The following CLVS1 variants were observed in gnomAD, a reference collection of about 807,000 sequenced individuals.
The protein encoded by CLVS1 is clavesin-1.
In CLVS1, 10 loss-of-function variants were observed where a neutral mutation model predicts 33.1. The ratio of observed to expected loss-of-function variants is 0.30; its 90% CI spans 0.19 to 0.51. The LOEUF (loss-of-function observed/expected upper bound fraction) is 0.51. Among genes scored for constraint, CLVS1 ranks in the 20% least tolerant of loss-of-function variants. The pLI, the probability that CLVS1 is intolerant of heterozygous loss-of-function variation, is 0.97. For missense variants in CLVS1, 343 were observed against 433.4 expected (o/e 0.79, Z 1.85); for synonymous variants, 163 against 166.1 (o/e 0.98, Z 0.14).
intron 2 of CLVS1, among the ~76,000 whole-genome samples, chr8:61,371,866 C>A (rs992029526): frequency 6.6e-5 from 10 of 152,138 alleles, no homozygotes; most frequent in African/African-American, 2.2e-4. Context: ...GATGAAACCC[C>A]TGTAGATAAA....
At chr8:61,089,640 T>C (rs1446475564) in intron 1 of CLVS1, among the ~76,000 whole-genome samples, 1 of 152,184 alleles carries the variant, frequency 6.6e-6, no homozygotes, top group Non-Finnish European at 1.5e-5. Context: ...TCTACCAGGC[T>C]GGGCATGGCG....
At chr8:61,077,560 C>T (rs1804943827) in intron 1 of CLVS1, among the ~76,000 whole-genome samples, 1 of 151,690 alleles carries the variant, frequency 6.6e-6, no homozygotes, top group African/African-American at 2.4e-5. Flanking sequence ...ACCACAACCT[C>T]TGCTTCCTGG....
At chr8:61,336,898 A>T (rs1811827163) in intron 2 of CLVS1, among the ~76,000 whole-genome samples, 1 of 152,212 alleles carries the variant, frequency 6.6e-6, no homozygotes, top group African/African-American at 2.4e-5. Flanking sequence ...ACAAAAAAAT[A>T]AAACCTCTTC....
chr8:61,363,971 G>A (rs1294758498), intron 2 of CLVS1, among the ~76,000 whole-genome samples: 1 of 152,122 alleles, frequency 6.6e-6, no homozygotes, highest in Non-Finnish European at 1.5e-5. Flanking sequence ...TGACACATCT[G>A]GTCCTGCCAA....
At chr8:60,991,652 C>T in the CLVS1 span, among the ~76,000 whole-genome samples, 2 of 152,044 alleles carry the variant, frequency 1.3e-5, no homozygotes, top group Non-Finnish European at 2.9e-5. Context: ...AGACTCTGAG[C>T]TCTGCCATGC....
intron 1 of CLVS1, among the ~76,000 whole-genome samples, chr8:61,115,804 T>C (rs1176921730): frequency 6.8e-6 from 1 of 147,060 alleles, no homozygotes; most frequent in Non-Finnish European, 1.5e-5. Flanking sequence ...TTCCAAGTCT[T>C]TGCTATGGTG....
At chr8:61,073,156 A>T (rs1027614492) in intron 1 of CLVS1, among the ~76,000 whole-genome samples, 1 of 152,244 alleles carries the variant, frequency 6.6e-6, no homozygotes, top group African/African-American at 2.4e-5. Flanking sequence ...ATGCTTGTCA[A>T]GTTTAGGAAG....
chr8:61,139,989 C>T (rs1806276919), intron 2 of CLVS1, among the ~76,000 whole-genome samples: 1 of 152,090 alleles, frequency 6.6e-6, no homozygotes, highest in African/African-American at 2.4e-5. Context: ...CTGAACTGGC[C>T]CTCAGCGGAG....
chr8:61,143,530 TC>T (rs1437267395), intron 2 of CLVS1, among the ~76,000 whole-genome samples: 1 of 151,848 alleles, frequency 6.6e-6, no homozygotes, highest in Non-Finnish European at 1.5e-5. Context: ...AAACACCTAT[TC>T]CCACCCCCTT....
chr8:61,127,368 C>T lies in CLVS1; in HGVS notation c.-242-4402C>T, dbSNP rs185332671. Among the ~76,000 whole-genome samples, 25 of 152,084 alleles carry T rather than the reference C, an allele frequency of 1.6e-4. No individual in the cohort carries two copies. The South Asian group carries it at 2.5e-3, about 15-fold the overall frequency. Reference sequence around the variant, plus strand: ...TAGAGTAGCTGGGATTACAGGTGTGCGCCACCATGCTGGGCTAATTTTGTA... The same window carrying T: ...TAGAGTAGCTGGGATTACAGGTGTGTGCCACCATGCTGGGCTAATTTTGTA... On this transcript the variant is annotated intron_variant, in intron 1 of 2. Coordinates refer to the CLVS1 transcript ENST00000522621.
intron 2 of CLVS1, among the ~76,000 whole-genome samples, chr8:61,153,802 C>G (rs1806593482): frequency 6.6e-6 from 1 of 152,112 alleles, no homozygotes; most frequent in African/African-American, 2.4e-5. Context: ...TCCTGGGTCT[C>G]AGGTAGTCTC....
chr8:61,007,921 G>C, the CLVS1 span, among the ~76,000 whole-genome samples: 1 of 152,194 alleles, frequency 6.6e-6, no homozygotes, highest in African/African-American at 2.4e-5. Flanking sequence ...GGGCTTTGTG[G>C]AGGAAGCAGG....
intron 1 of CLVS1, among the ~76,000 whole-genome samples, chr8:61,062,386 T>A (rs1432745018): frequency 6.6e-6 from 1 of 152,220 alleles, no homozygotes; most frequent in Non-Finnish European, 1.5e-5. Flanking sequence ...TGATTTAATC[T>A]CTAGGAGCAA....
chr8:61,404,623 A>G (rs1432997255), intron 3 of CLVS1, among the ~76,000 whole-genome samples: 2 of 152,210 alleles, frequency 1.3e-5, no homozygotes, highest in Non-Finnish European at 2.9e-5. Flanking sequence ...GCTAAGGAGG[A>G]AACATTGGAA....
At chr8:61,378,382 A>C (rs1759046277) in intron 3 of CLVS1, 1 of 152,168 alleles carries the variant, frequency 6.6e-6, no homozygotes, top group African/African-American at 2.4e-5. Flanking sequence ...ACCTACTGAG[A>C]TCTTACTGAA....
intron 3 of CLVS1, among the ~76,000 whole-genome samples, chr8:61,417,088 A>G (rs1815467116): frequency 6.6e-6 from 1 of 152,150 alleles, no homozygotes; most frequent in Non-Finnish European, 1.5e-5. Context: ...GGAGACAGAG[A>G]ATGACAAAAG....
At chr8:61,099,230 G>A (rs72654629) in intron 1 of CLVS1, among the ~76,000 whole-genome samples, 13,550 of 152,142 alleles carry the variant, frequency 0.089, 814 homozygotes, top group East Asian at 0.25. Flanking sequence ...TCAGAGGAGG[G>A]GAGGGGCAGT....
chr8:61,060,613 C>T (rs1045343364), intron 1 of CLVS1, among the ~76,000 whole-genome samples: 2 of 152,170 alleles, frequency 1.3e-5, no homozygotes, highest in African/African-American at 4.8e-5. Context: ...GCCCACAGCG[C>T]CCCTTCCCAC....
At chr8:61,018,885 G>A in the CLVS1 span, among the ~76,000 whole-genome samples, 2 of 152,188 alleles carry the variant, frequency 1.3e-5, no homozygotes, top group Non-Finnish European at 2.9e-5. Context: ...ACAGCTGGTG[G>A]CAATTTTGCT....
Sources: gnomAD v4.1 joint callset for allele counts (sites outside exome capture counted in the v4.1 genomes callset) on GRCh38, gnomAD v4.1.1 for gene constraint, MANE v1.5 for transcripts, NCBI Gene and HGNC (gene_info 2026-07-23, HGNC 2026-07-21) for gene names.